Variants in CADPS2 observed in about 807,000 individuals in gnomAD.
CADPS2 encodes calcium-dependent secretion activator 2.
Under a neutral mutation model 172.5 loss-of-function variants are expected in CADPS2, and 93 were observed. That is an observed-to-expected ratio of 0.54 (90% CI 0.46 to 0.64). The LOEUF (loss-of-function observed/expected upper bound fraction) is 0.64, where lower values mean the gene tolerates loss of function less well. Among genes scored for constraint, CADPS2 ranks in the 30% least tolerant of loss-of-function variants. The pLI is 0.00. For missense variants in CADPS2, 1,420 were observed against 1,565.9 expected (o/e 0.91, Z 1.57); for synonymous variants, 546 against 555.2 (o/e 0.98, Z 0.23).
chr7:122,810,100 T>G lies in CADPS2; in HGVS notation c.340-73032A>C, dbSNP rs1187216611. ...TTGTTTACTCTAGCTTTTGCCCAAG[T>G]AAGTTTACATCTAGCATCCGTCTGT... is the stretch of plus-strand genomic sequence containing the variant. On this transcript the variant is annotated intron_variant, in intron 1 of 29. Transcript: ENST00000449022. Among the ~76,000 whole-genome samples, 4 of 152,126 alleles carry G rather than the reference T, an allele frequency of 2.6e-5. No homozygotes were observed. The East Asian group carries it at 7.7e-4, about 29-fold the overall frequency.
intron 25 of CADPS2, among the ~76,000 whole-genome samples, chr7:122,372,396 G>T (rs1006425287): frequency 2.6e-5 from 4 of 152,128 alleles, no homozygotes; most frequent in African/African-American, 9.7e-5. Context: ...GCACAGAGAG[G>T]GAAGGCCAAG....
Position 122,435,591 on chromosome 7 carries a change from C to T in CADPS2, c.2476+2750G>A, listed in dbSNP as rs190674745. On this transcript the variant is annotated intron_variant, in intron 17 of 29. Coordinates refer to ENST00000449022, the MANE Select transcript of CADPS2 (RefSeq NM_017954.11). ...TTGGTAGAAATGTAATTAGGTGCAG[C>T]CACTATGAAAAATAGTATGGAGGCT... Among the ~76,000 whole-genome samples the T allele has an allele frequency of 2.6e-5, 4 of 152,098 alleles. No individual in the cohort carries two copies. The East Asian group carries it at 5.8e-4, about 22-fold the overall frequency.
chr7:122,538,364 T>C (rs1463088170), intron 8 of CADPS2, among the ~76,000 whole-genome samples: 1 of 127,482 alleles, frequency 7.8e-6, no homozygotes, highest in Non-Finnish European at 1.6e-5. Context: ...AGGTTTTTTG[T>C]TTTTTTTTTT....
At chr7:122,506,823 T>C (rs1487531974) in intron 9 of CADPS2, among the ~76,000 whole-genome samples, 5 of 152,026 alleles carry the variant, frequency 3.3e-5, no homozygotes, top group Non-Finnish European at 5.9e-5. Flanking sequence ...GACAGGAATA[T>C]TTATTGTTAA....
intron 2 of CADPS2, among the ~76,000 whole-genome samples, chr7:122,686,622 G>C (rs577453149): frequency 6.2e-4 from 95 of 152,224 alleles, no homozygotes; most frequent in African/African-American, 2.2e-3. Flanking sequence ...CTTTTCCCTG[G>C]GGACAGAAAG....
Position 122,415,873 on chromosome 7 carries a change from T to A in CADPS2, c.2580+188A>T, listed in dbSNP as rs537324127. On this transcript the variant is annotated intron_variant, in intron 18 of 29. Coordinates refer to ENST00000449022, the MANE Select transcript of CADPS2 (RefSeq NM_017954.11). ...GAGTTATGTTTTTAGAAAATTCACA[T>A]ATGTTCTCATGTGTGAATGTGCAAT... 2.0e-5 allele frequency among the ~76,000 whole-genome samples: 3 copies of A among 152,330 alleles called. No individual in the cohort carries two copies. In the East Asian group the frequency reaches 5.8e-4, roughly 29 times the overall value.
At chr7:122,716,465 AG>A (rs2089613703) in intron 2 of CADPS2, among the ~76,000 whole-genome samples, 1 of 152,074 alleles carries the variant, frequency 6.6e-6, no homozygotes, top group African/African-American at 2.4e-5. Context: ...AGCAGGGGTA[AG>A]GGAGCTCCCA....
At chr7:122,546,930 T>G (rs564866244) in intron 8 of CADPS2, among the ~76,000 whole-genome samples, 1 of 152,244 alleles carries the variant, frequency 6.6e-6, no homozygotes, top group Non-Finnish European at 1.5e-5. Context: ...GAAAAAAAAG[T>G]GTACACCAAA....
chr7:122,724,403 T>C (rs1384527614), intron 2 of CADPS2, among the ~76,000 whole-genome samples: 1 of 152,030 alleles, frequency 6.6e-6, no homozygotes, highest in Non-Finnish European at 1.5e-5. Context: ...TAAGCCATGG[T>C]ATCCTGCTCT....
At chr7:122,615,354 T>C (rs974204088) in intron 5 of CADPS2, 55 bp from the exon 6 acceptor site, 41 of 1,181,798 alleles carry the variant, frequency 3.5e-5, no homozygotes, top group African/African-American at 1.5e-5. Flanking sequence ...TTTAGCAATA[T>C]ACATAAACAG....
chr7:122,494,437 C>T (rs993766375), intron 9 of CADPS2, among the ~76,000 whole-genome samples: 6 of 151,804 alleles, frequency 4.0e-5, no homozygotes, highest in Non-Finnish European at 5.9e-5. Flanking sequence ...TTAAAAGAGA[C>T]GTGACAGATT....
rs2031802772 is a variant in CADPS2, at chr7:122,318,734, A to C, written c.*1431T>G. 1 of 152,202 alleles carries C rather than the reference A, an allele frequency of 6.6e-6. No individual in the cohort carries two copies. The highest frequency in any genetic ancestry group is 1.5e-5 in the Non-Finnish European group (1 of 68,046). 9.4% of individuals were successfully genotyped at this position (152,202 alleles called of 1,614,324 possible). A position where few individuals can be genotyped will look rare whatever the true frequency, so the allele number is the denominator to read the frequency against. The stretch of plus-strand genomic sequence containing the variant: ...TAGGGCCCAGAAAATGAGCCAAAAC[A>C]ATGCTAAATAGTAACTGTAGATTAA... On this transcript the variant is annotated 3_prime_UTR_variant, in exon 30 of 30. Transcript: ENST00000449022.
intron 6 of CADPS2, among the ~76,000 whole-genome samples, chr7:122,611,717 C>T (rs2074315280): frequency 6.6e-6 from 1 of 151,964 alleles, no homozygotes; most frequent in East Asian, 1.9e-4. Flanking sequence ...ACTTATTCTA[C>T]AAGGCCACTA....
intron 9 of CADPS2, among the ~76,000 whole-genome samples, chr7:122,507,330 A>T (rs1310153137): frequency 1.3e-5 from 2 of 152,188 alleles, no homozygotes; most frequent in African/African-American, 4.8e-5. Context: ...AGGTGGCCTA[A>T]CAATCTAGGT....
chr7:122,702,720 G>A lies in CADPS2; in HGVS notation c.453+34235C>T. The A allele has an allele frequency of 1.9e-6, 3 of 1,609,662 alleles. No individual in the cohort carries two copies. In the East Asian group the frequency reaches 6.7e-5, roughly 36 times the overall value. ...AAAAGTCCAGATGAAACAGAACTAT[G>A]CGTCGAAGGGGTAATTCTAAGGAAG... On this transcript the variant is annotated intron_variant, in intron 2 of 29. Transcript: ENST00000449022.
At chr7:122,484,554 C>T (rs960581814) in intron 11 of CADPS2, among the ~76,000 whole-genome samples, 1 of 146,600 alleles carries the variant, frequency 6.8e-6, no homozygotes, top group Non-Finnish European at 1.5e-5. Context: ...TAGAAGAAAG[C>T]AAAGGAGAAA....
chr7:122,767,588 G>C (rs2093592600), intron 1 of CADPS2, among the ~76,000 whole-genome samples: 1 of 152,042 alleles, frequency 6.6e-6, no homozygotes, highest in Non-Finnish European at 1.5e-5. Flanking sequence ...GACCAACAAA[G>C]GCCCTAATTC....
At chr7:122,547,401 C>T (rs1209226412) in intron 8 of CADPS2, among the ~76,000 whole-genome samples, 1 of 152,156 alleles carries the variant, frequency 6.6e-6, no homozygotes, top group Non-Finnish European at 1.5e-5. Context: ...GAAACACACT[C>T]CAACAAATCC....
intron 1 of CADPS2, among the ~76,000 whole-genome samples, chr7:122,851,012 C>T (rs1411506318): frequency 6.6e-6 from 1 of 152,202 alleles, no homozygotes; most frequent in East Asian, 1.9e-4. Flanking sequence ...TGTATGCCTA[C>T]AATGAGATAG....
Sources: gnomAD v4.1 joint callset for allele counts (sites outside exome capture counted in the v4.1 genomes callset) on GRCh38, gnomAD v4.1.1 for gene constraint, MANE v1.5 for transcripts, NCBI Gene and HGNC (gene_info 2026-07-23, HGNC 2026-07-21) for gene names.